Variants in FBN1 observed in about 807,000 individuals in gnomAD.
The protein encoded by FBN1 is fibrillin-1.
A neutral mutation model predicts 365.1 loss-of-function variants in FBN1; 29 were observed. The observed-to-expected ratio is 0.08, with a 90% confidence interval of 0.06 to 0.11. The LOEUF (loss-of-function observed/expected upper bound fraction) is 0.11, where lower values mean the gene tolerates loss of function less well. FBN1 is among the 10% of genes least tolerant of loss of function. FBN1 has a pLI of 1.00. For missense variants in FBN1, 2,476 were observed against 3,703.2 expected, an observed-to-expected ratio of 0.67 and a Z score of 8.60; for synonymous variants, 1,210 against 1,270.5, an observed-to-expected ratio of 0.95 and a Z score of 1.01.
At chr15:48,583,203 T>C (rs1224460476) in intron 6 of FBN1, among the ~76,000 whole-genome samples, 4 of 152,224 alleles carry the variant, frequency 2.6e-5, no homozygotes, top group African/African-American at 9.6e-5. Flanking sequence ...TCATGCATGA[T>C]AGATAAACTC....
chr15:48,643,822 C>T (rs1390100572), intron 2 of FBN1: 1 of 152,114 alleles, frequency 6.6e-6, no homozygotes. Flanking sequence ...AAATGTATTC[C>T]CACTGTCCTT....
intron 6 of FBN1, among the ~76,000 whole-genome samples, chr15:48,553,958 A>G (rs2044161512): frequency 6.6e-6 from 1 of 152,198 alleles, no homozygotes; most frequent in African/African-American, 2.4e-5. Flanking sequence ...TCTCACAACA[A>G]TTCTCTGAGG....
intron 6 of FBN1, among the ~76,000 whole-genome samples, chr15:48,573,649 C>T (rs2044323132): frequency 6.6e-6 from 1 of 152,122 alleles, no homozygotes; most frequent in South Asian, 2.1e-4. Flanking sequence ...TGATTTGTGG[C>T]CAGCAAGGAG....
At chr15:48,624,454 GT>G (rs1889834877) in intron 2 of FBN1, among the ~76,000 whole-genome samples, 1 of 152,224 alleles carries the variant, frequency 6.6e-6, no homozygotes, top group Non-Finnish European at 1.5e-5. Flanking sequence ...TGTCTGGTTG[GT>G]TGGGTAAAAG....
chr15:48,579,895 C>T (rs925403887), intron 6 of FBN1, among the ~76,000 whole-genome samples: 4 of 152,204 alleles, frequency 2.6e-5, no homozygotes, highest in African/African-American at 4.8e-5. Flanking sequence ...CTAGTATTAA[C>T]TTCCTGAAGT....
intron 29 of FBN1, among the ~76,000 whole-genome samples, chr15:48,486,817 C>G (rs752049685): frequency 6.6e-6 from 1 of 152,072 alleles, no homozygotes; most frequent in Non-Finnish European, 1.5e-5. Context: ...CTTATTAGAG[C>G]TAAAACATCC....
chr15:48,491,692 C>T (rs1300167426), intron 24 of FBN1, among the ~76,000 whole-genome samples: 1 of 152,198 alleles, frequency 6.6e-6, no homozygotes, highest in East Asian at 1.9e-4. Context: ...TGAGCCTACA[C>T]TTCAAAGTAA....
intron 50 of FBN1, among the ~76,000 whole-genome samples, chr15:48,439,230 AGTAAACC>A (rs2043094783): frequency 6.6e-6 from 1 of 152,236 alleles, no homozygotes; most frequent in South Asian, 2.1e-4. Context: ...TAGCCTCCCC[AGTAAACC>A]TGCTCAACCT....
At chr15:48,553,976 T>C (rs1452515398) in intron 6 of FBN1, among the ~76,000 whole-genome samples, 1 of 152,174 alleles carries the variant, frequency 6.6e-6, no homozygotes, top group Non-Finnish European at 1.5e-5. Flanking sequence ...AGGAAGACTT[T>C]TGCTTCATTT....
At chr15:48,556,301 T>C (rs2044179561) in intron 6 of FBN1, among the ~76,000 whole-genome samples, 10 of 152,062 alleles carry the variant, frequency 6.6e-5, no homozygotes, top group Admixed American at 6.5e-4. Flanking sequence ...TACCACAAAA[T>C]AGTTGTTGGA....
Position 48,444,573 on chromosome 15 carries a change from G to A in FBN1, c.6005C>T (p.Pro2002Leu), listed in dbSNP as rs1566898093. The part of the protein sequence containing the change: ...LDGSYRCICP[P>L]GYSLQNEKCE... ...CTTCTCATTTTGAAGACTGTATCCA[G>A]GTGGGCAAATGCATCTGTAGGACCC... Residue 2002 changes from proline (P) to leucine (L), a missense_variant, in exon 49 of 66, where the codon CCT becomes CTT. By Grantham distance (98) the Pro-to-Leu change is moderately conservative. Transcript: ENST00000316623. 10 of 1,613,624 alleles carry A rather than the reference G, an allele frequency of 6.2e-6. No individual in the cohort carries two copies. The highest frequency in any genetic ancestry group is 8.5e-6 in the Non-Finnish European group (10 of 1,179,686).
chr15:48,428,080 T>C, intron 57 of FBN1: 1 of 632,460 alleles, frequency 1.6e-6, no homozygotes, highest in Non-Finnish European at 2.8e-6. Flanking sequence ...CATACGGAAG[T>C]GGATCCTGAT....
At chr15:48,426,626 TG>T (rs1250350091) in intron 58 of FBN1, among the ~76,000 whole-genome samples, 14 of 152,154 alleles carry the variant, frequency 9.2e-5, no homozygotes, top group African/African-American at 3.1e-4. Context: ...ACTTTCTACA[TG>T]GGTTCTCAGC....
chr15:48,505,140 G>A lies in FBN1; in HGVS notation c.1845C>T (p.Asn615=), dbSNP rs932735615. 20 of 1,614,032 alleles carry A rather than the reference G, an allele frequency of 1.2e-5. No homozygotes were observed. Among genetic ancestry groups the A allele is most frequent in the African/African-American group, 4.0e-5 (3 of 74,922 alleles). Reference sequence around the variant, plus strand: ...TGCAGATCCCAGGGGTTTCACACTCGTTAATGTCTGTGGCAGAGAAAGGCA... The same window carrying A: ...TGCAGATCCCAGGGGTTTCACACTCATTAATGTCTGTGGCAGAGAAAGGCA... ...ASDGRYCKDI[N]ECETPGICMN... The change falls in exon 16 of 66, where the codon AAC becomes AAT. Residue 615 remains asparagine (N), a synonymous_variant. Transcript: ENST00000316623.
In FBN1 at chr15:48,414,874, C is replaced by T. The variant is rs57935626; in HGVS notation, c.8051+662G>A. On this transcript the variant is annotated intron_variant, in intron 64 of 65. Coordinates refer to ENST00000316623, the MANE Select transcript of FBN1 (RefSeq NM_000138.5). ...TTGCACCACTGCACTCCAGCCTGGG[C>T]GACAGAGCAAGACTCCGTCTAAAAA... Among the ~76,000 whole-genome samples, 1,088 of 139,034 alleles carry T rather than the reference C, an allele frequency of 7.8e-3. 17 individuals are homozygous for T. The highest frequency in any genetic ancestry group is 0.028 in the African/African-American group (1,036 of 36,556). The allele number at this position is 139,034 out of a possible 152,430, so 91.2% of individuals were successfully genotyped here. A position where few individuals can be genotyped will look rare whatever the true frequency, so the allele number is the denominator to read the frequency against.
In FBN1 at chr15:48,502,972, G is replaced by GT. The variant is rs996595465; in HGVS notation, c.2113+814dup. ...ATGTCACTTCAACTGGAGAAAAATA[G>GT]TTTTTTCTCTCAGGTTAAATCAAAT... On this transcript the variant is annotated intron_variant, in intron 17 of 65. Coordinates refer to ENST00000316623, the MANE Select transcript of FBN1 (RefSeq NM_000138.5). Among the ~76,000 whole-genome samples the GT allele has an allele frequency of 1.1e-4, 17 of 152,068 alleles. 1 individual carries two copies. The highest frequency in any genetic ancestry group is 3.9e-4 in the Admixed American group (6 of 15,264).
chr15:48,551,033 C>T (rs777927102), intron 6 of FBN1, among the ~76,000 whole-genome samples: 1 of 152,020 alleles, frequency 6.6e-6, no homozygotes, highest in Non-Finnish European at 1.5e-5. Context: ...AGTCTAAATC[C>T]TTAATCTTTT....
At chr15:48,481,909 AAATTTTAG>A in intron 31 of FBN1, 129 bp from the exon 32 acceptor site, 3 of 948,492 alleles carry the variant, frequency 3.2e-6, no homozygotes, top group Non-Finnish European at 4.8e-6. Flanking sequence ...AAACAATGTT[AAATTTTAG>A]AGGCCAATTT....
chr15:48,607,016 T>C (rs368560233), intron 4 of FBN1, among the ~76,000 whole-genome samples: 29 of 152,300 alleles, frequency 1.9e-4, no homozygotes, highest in African/African-American at 6.5e-4. Context: ...TCTATAGACA[T>C]TGGTGCCATG....
Sources: gnomAD v4.1 joint callset for allele counts (sites outside exome capture counted in the v4.1 genomes callset) on GRCh38, gnomAD v4.1.1 for gene constraint, MANE v1.5 for transcripts, NCBI Gene and HGNC (gene_info 2026-07-23, HGNC 2026-07-21) for gene names.